Variants in FGF13 observed in about 807,000 individuals in gnomAD.
FGF13 encodes the protein fibroblast growth factor homologous factor 2.
In FGF13, 2 loss-of-function variants were observed where a neutral mutation model predicts 19.5. That is an observed-to-expected ratio of 0.10 (90% confidence interval 0.04 to 0.32). FGF13 has a LOEUF of 0.32. Ranked by LOEUF, FGF13 falls within the 10% of genes least tolerant of loss-of-function variation. FGF13 has a pLI of 1.00. For missense variants in FGF13, 113 were observed against 192.7 expected (o/e 0.59, Z 2.45); for synonymous variants, 72 against 76.9 (o/e 0.94, Z 0.33).
At chrX:139,135,001 T>C (rs1198250056) in intron 1 of FGF13, among the ~76,000 whole-genome samples, 1 of 111,868 alleles carries the variant, frequency 8.9e-6, no homozygotes, top group Admixed American at 9.5e-5. Flanking sequence ...AGAACCTTGA[T>C]TGGAACTATT....
intron 3 of FGF13, among the ~76,000 whole-genome samples, chrX:138,690,975 G>C (rs2089833238): frequency 1.8e-5 from 2 of 111,390 alleles, no homozygotes; most frequent in Non-Finnish European, 3.8e-5. Context: ...ATGGTTTGGG[G>C]TGCCTAGTAT....
chrX:138,769,738 A>G (rs145685683), intron 3 of FGF13, among the ~76,000 whole-genome samples: 280 of 112,227 alleles, frequency 2.5e-3, no homozygotes, highest in African/African-American at 8.5e-3. Flanking sequence ...GTGAATACAA[A>G]TTATTGTTGC....
intron 1 of FGF13, among the ~76,000 whole-genome samples, chrX:139,028,600 TGTGTGTGTGTGTGTGTGA>T (rs1156883087): frequency 2.0e-5 from 1 of 49,799 alleles, no homozygotes; most frequent in East Asian, 7.9e-4. Flanking sequence ...TGTGTGTGTG[TGTGTGTGTGTGTGTGTGA>T]GAGAGAGAGA....
rs777827112 is a variant in FGF13 at position 138,969,548 on chromosome X, G to C, written c.-112-104898C>G. 6.3e-5 allele frequency among the ~76,000 whole-genome samples: 7 copies of C among 111,670 alleles called. No individual in the cohort carries two copies. In the South Asian group the frequency reaches 1.5e-3, roughly 24 times the overall value. ...GTATAATGTCTGAAAAATAAAATAA[G>C]GTTGTGGGGTGTCACATTTATGAAA... On this transcript the variant is annotated intron_variant, in intron 1 of 2. Transcript: ENST00000421460.
intron 1 of FGF13, among the ~76,000 whole-genome samples, chrX:138,999,396 A>C (rs1223450640): frequency 2.7e-5 from 3 of 111,702 alleles, no homozygotes; most frequent in Non-Finnish European, 5.6e-5. Context: ...TGAATCCAGG[A>C]GCTGGTTTTT....
chrX:138,946,739 C>T (rs1295744466), intron 1 of FGF13, among the ~76,000 whole-genome samples: 1 of 111,776 alleles, frequency 8.9e-6, no homozygotes, highest in Non-Finnish European at 1.9e-5. Context: ...TCCTCTGTCA[C>T]AGGACCCAAT....
chrX:139,162,947 G>C (rs1218536114), intron 1 of FGF13, among the ~76,000 whole-genome samples: 7 of 112,096 alleles, frequency 6.2e-5, no homozygotes, highest in Non-Finnish European at 1.1e-4. Context: ...GTTGGTGGGA[G>C]TGTAAATTAA....
At chrX:138,739,323 A>C in exon 1 of FGF13, 1 of 1,175,223 alleles carries the variant, frequency 8.5e-7, no homozygotes, top group South Asian at 1.9e-5. Context: ...TTTGGAGCAG[A>C]CACAGAGAGA....
rs2088977382 is a variant in FGF13, at chrX:138,617,281, G to C, written c.*15569C>G. 9.0e-6 allele frequency: 1 copy of C among 110,833 alleles called. No homozygotes were observed. The highest frequency in any genetic ancestry group is 1.9e-5 in the Non-Finnish European group (1 of 52,898). The allele number at this position is 110,833 out of a possible 1,213,427, so 9.1% of individuals were successfully genotyped here. A position where few individuals can be genotyped will look rare whatever the true frequency, so the allele number is the denominator to read the frequency against. On this transcript the variant is annotated 3_prime_UTR_variant, in exon 5 of 5. Coordinates refer to ENST00000315930, the MANE Select transcript of FGF13 (RefSeq NM_004114.5). ...CTACTTCCTGATATGCATGATAAAG[G>C]GTTTAAAGATGAAGTGCATTGATGT...
upstream of FGF13, chrX:138,715,837 G>T (rs777334023): frequency 8.9e-6 from 1 of 112,357 alleles, no homozygotes; most frequent in South Asian, 3.6e-4. Context: ...AGAGAGTTAT[G>T]TGAGTTATCT....
At chrX:139,028,003 T>G (rs1439778950) in intron 1 of FGF13, among the ~76,000 whole-genome samples, 1 of 111,313 alleles carries the variant, frequency 9.0e-6, no homozygotes, top group African/African-American at 3.3e-5. Flanking sequence ...AGGCAGACAG[T>G]GTCAGTCACA....
intron 1 of FGF13, among the ~76,000 whole-genome samples, chrX:138,874,513 T>G (rs926188728): frequency 9.0e-6 from 1 of 111,651 alleles, no homozygotes; most frequent in African/African-American, 3.3e-5. Flanking sequence ...TATGAGATAT[T>G]CTAAGCTACT....
intron 1 of FGF13, among the ~76,000 whole-genome samples, chrX:138,982,105 G>T (rs2091966176): frequency 8.9e-6 from 1 of 111,874 alleles, no homozygotes; most frequent in Non-Finnish European, 1.9e-5. Flanking sequence ...TATGGTTGAA[G>T]GATATAATCA....
At chrX:139,188,255 T>C (rs1187831036) in intron 1 of FGF13, among the ~76,000 whole-genome samples, 1 of 112,476 alleles carries the variant, frequency 8.9e-6, no homozygotes, top group Non-Finnish European at 1.9e-5. Flanking sequence ...GTCCAGATTC[T>C]TAAGCATGTG....
At chrX:138,741,408 A>G (rs906690104), upstream of FGF13, among the ~76,000 whole-genome samples, 3 of 111,475 alleles carry the variant, frequency 2.7e-5, no homozygotes, top group Non-Finnish European at 5.7e-5. Context: ...GAGAGCCGAC[A>G]TGGAGCCAAA....
chrX:139,024,861 T>C (rs976226605), intron 1 of FGF13, among the ~76,000 whole-genome samples: 1 of 111,141 alleles, frequency 9.0e-6, no homozygotes, highest in Non-Finnish European at 1.9e-5. Flanking sequence ...TCTAAAGACC[T>C]CTGGTCTCTT....
chrX:138,920,523 G>A (rs1193912763), intron 1 of FGF13, among the ~76,000 whole-genome samples: 1 of 111,437 alleles, frequency 9.0e-6, no homozygotes, highest in African/African-American at 3.3e-5. Flanking sequence ...TTAACCTATG[G>A]AGGCTTTTTC....
intron 3 of FGF13, among the ~76,000 whole-genome samples, chrX:138,642,818 C>T (rs1271673876): frequency 9.0e-6 from 1 of 111,701 alleles, no homozygotes; most frequent in Non-Finnish European, 1.9e-5. Flanking sequence ...CAAGCCATAG[C>T]ACTAAAGAAA....
At chrX:138,907,857 T>G (rs2091565946) in intron 1 of FGF13, among the ~76,000 whole-genome samples, 1 of 111,504 alleles carries the variant, frequency 9.0e-6, no homozygotes, top group Admixed American at 9.5e-5. Context: ...GAATGCTGAT[T>G]AGAAAGGCAG....
Sources: allele counts gnomAD v4.1 joint callset (sites outside exome capture counted in the v4.1 genomes callset), GRCh38; gene constraint gnomAD v4.1.1; transcripts MANE v1.5; gene names NCBI Gene and HGNC (gene_info 2026-07-23, HGNC 2026-07-21).